The following NEK9 variants were observed in gnomAD, a reference collection of about 807,000 sequenced individuals.
NEK9 encodes the protein serine/threonine-protein kinase Nek9.
A neutral mutation model predicts 123.4 loss-of-function variants in NEK9; 75 were observed. That is an observed-to-expected ratio of 0.61 (90% confidence interval 0.50 to 0.74). The LOEUF is 0.74. NEK9 is among the 30% of genes least tolerant of loss of function. The probability of loss-of-function intolerance (pLI) is 0.00; values close to 1 mark genes in which losing one functional copy is unlikely to be tolerated. For missense variants in NEK9, 952 were observed against 1,214.4 expected (o/e 0.78, Z 3.21); for synonymous variants, 438 against 458.7 (o/e 0.95, Z 0.58).
At chr14:75,102,334 G>GT (rs544667418) in intron 14 of NEK9, among the ~76,000 whole-genome samples, 41 of 151,874 alleles carry the variant, frequency 2.7e-4, no homozygotes, top group African/African-American at 9.2e-4. Context: ...TCTGAATATT[G>GT]TTTTTTTTGT....
At position 75,083,041 on chromosome 14, in the gene NEK9, G is replaced by T. The variant is rs1003095823; in HGVS notation, c.*1523C>A. On this transcript the variant is annotated 3_prime_UTR_variant, in exon 22 of 22. Coordinates refer to ENST00000238616, the MANE Select transcript of NEK9 (RefSeq NM_033116.6). ...TCCCGAGCAATGGGGTTCTCCCCAA[G>T]CATCAGCCTTTATGCCACCAGTTTT... is the stretch of plus-strand genomic sequence containing the variant. 2 of 398,506 alleles carry T rather than the reference G, an allele frequency of 5.0e-6. No homozygotes were observed. Among genetic ancestry groups the T allele is most frequent in the East Asian group, 7.1e-5 (2 of 28,094 alleles). 24.7% of individuals were successfully genotyped at this position (398,506 alleles called of 1,614,324 possible). A position where few individuals can be genotyped will look rare whatever the true frequency, so the allele number is the denominator to read the frequency against.
At position 75,079,958 on chromosome 14, in the gene NEK9, T is replaced by A. The variant is rs1396128392; in HGVS notation, c.*4606A>T. ...AAGGAAGCAGTTGTTTGCTCTCATTTTGCTAAAGAAATAAAACAATAGTCA... is the reference window on the plus strand; with the variant it reads ...AAGGAAGCAGTTGTTTGCTCTCATTATGCTAAAGAAATAAAACAATAGTCA... On this transcript the variant is annotated 3_prime_UTR_variant, in exon 22 of 22. Coordinates refer to ENST00000238616, the MANE Select transcript of NEK9 (RefSeq NM_033116.6). 2.0e-5 allele frequency: 3 copies of A among 152,256 alleles called. No individual in the cohort carries two copies. The highest frequency in any genetic ancestry group is 4.4e-5 in the Non-Finnish European group (3 of 68,048). 9.4% of individuals were successfully genotyped at this position (152,256 alleles called of 1,614,324 possible).
At chr14:75,106,462 A>C in intron 12 of NEK9, 40 bp downstream of exon 12, 5 of 1,602,556 alleles carry the variant, frequency 3.1e-6, no homozygotes, top group Non-Finnish European at 4.3e-6. Context: ...GTCAGGTTGT[A>C]TACCTGTGAA....
chr14:75,117,123 G>A, intron 6 of NEK9, 72 bp downstream of exon 6: 1 of 1,502,252 alleles, frequency 6.7e-7, no homozygotes, highest in Non-Finnish European at 9.0e-7. Flanking sequence ...TGGGAATAGA[G>A]TTGATCTGCT....
In NEK9 at chr14:75,124,188, C is replaced by T; in HGVS notation, c.255G>A (p.Leu85=). ...GACGTTCCTTCTCAGACAGCCGGGTCAAATCGACTTCCTTCCACACAACCA... is the reference window on the plus strand; with the variant it reads ...GACGTTCCTTCTCAGACAGCCGGGTTAAATCGACTTCCTTCCACACAACCA... ...DSLVVWKEVD[L]TRLSEKERRD... Residue 85 remains leucine (L), a synonymous_variant, in exon 2 of 22, where the codon TTG becomes TTA. Coordinates refer to ENST00000238616, the MANE Select transcript of NEK9 (RefSeq NM_033116.6). 1 of 1,614,006 alleles carries T rather than the reference C, an allele frequency of 6.2e-7. No individual in the cohort carries two copies. The highest frequency in any genetic ancestry group is 8.5e-7 in the Non-Finnish European group (1 of 1,179,928).
intron 15 of NEK9, 135 bp downstream of exon 15, chr14:75,101,522 C>A: frequency 1.8e-6 from 1 of 563,852 alleles, no homozygotes; most frequent in Non-Finnish European, 3.1e-6. Context: ...AAATATGTAC[C>A]TGAATACATT....
At chr14:75,108,596 T>G (rs1201540605) in intron 10 of NEK9, among the ~76,000 whole-genome samples, 1 of 151,462 alleles carries the variant, frequency 6.6e-6, no homozygotes, top group Non-Finnish European at 1.5e-5. Context: ...GCTCTGTCAC[T>G]CAGGCTGCAG....
rs567806422 is a variant in NEK9 at position 75,096,149 on chromosome 14, G to A, written c.2174-718C>T. ...AATCCAAAAATTAGCCAGGTGTGAT[G>A]GTACACTCCTGTAGTCCCAGCTACT... On this transcript the variant is annotated intron_variant, in intron 17 of 21. Transcript: ENST00000238616. Among the ~76,000 whole-genome samples the A allele has an allele frequency of 8.5e-5, 13 of 152,120 alleles. No individual in the cohort carries two copies. The South Asian group carries it at 2.7e-3, about 32-fold the overall frequency.
chr14:75,087,836 T>C (rs1894077662), intron 20 of NEK9, among the ~76,000 whole-genome samples: 1 of 152,256 alleles, frequency 6.6e-6, no homozygotes, highest in South Asian at 2.1e-4. Flanking sequence ...AGGCCAATTC[T>C]GGCCCACTGC....
intron 19 of NEK9, 71 bp downstream of exon 19, chr14:75,091,193 AGAGACC>A: frequency 8.0e-7 from 1 of 1,249,458 alleles, no homozygotes; most frequent in Non-Finnish European, 1.1e-6. Flanking sequence ...TGGAAAACTG[AGAGACC>A]CTGACAGCTC....
chr14:75,105,222 C>T (rs915720426), intron 13 of NEK9, among the ~76,000 whole-genome samples: 2 of 151,790 alleles, frequency 1.3e-5, no homozygotes, highest in African/African-American at 4.8e-5. Context: ...GCTGGGAATC[C>T]CATTGAGGAT....
chr14:75,108,126 T>C (rs1031950819), intron 10 of NEK9, among the ~76,000 whole-genome samples: 38 of 135,880 alleles, frequency 2.8e-4, no homozygotes, highest in African/African-American at 1.0e-3. Context: ...ACTTTTCAAC[T>C]TTTTTTTTTT....
At chr14:75,095,327 C>T in intron 18 of NEK9, 45 bp downstream of exon 18, 2 of 1,430,614 alleles carry the variant, frequency 1.4e-6, no homozygotes, top group Non-Finnish European at 2.0e-6. Flanking sequence ...AACCAAAAGA[C>T]CCACACTTCA....
At chr14:75,100,128 CAAAAAAAAAAAAAAAAAAAAAAA>C (rs71119346) in intron 16 of NEK9, among the ~76,000 whole-genome samples, 4 of 15,604 alleles carry the variant, frequency 2.6e-4, no homozygotes, top group East Asian at 3.3e-3. Flanking sequence ...GACTCCATCT[CAAAAAAAAAAAAAAAAAAAAAAA>C]AAAAAAAAAA....
intron 17 of NEK9, among the ~76,000 whole-genome samples, chr14:75,096,323 A>G (rs1345422740): frequency 1.4e-5 from 2 of 146,868 alleles, no homozygotes; most frequent in African/African-American, 5.0e-5. Context: ...ATTCTAATGT[A>G]TGTGCTGCTA....
At chr14:75,108,188 G>A (rs951060276) in intron 10 of NEK9, among the ~76,000 whole-genome samples, 2 of 150,570 alleles carry the variant, frequency 1.3e-5, no homozygotes, top group African/African-American at 4.9e-5. Flanking sequence ...GCAGTGGCTC[G>A]ATCTCAGCTC....
At position 75,091,462 on chromosome 14, in the gene NEK9, GCTAGAGCT is replaced by G; in HGVS notation, c.2242_2249del (p.Ser748ProfsTer11). On this transcript the variant is annotated frameshift_variant, in exon 19 of 22. Transcript: ENST00000238616. LOFTEE classifies it high-confidence loss of function. ...CGCCGCCCCCGCCGCCTCCTCCCGGGCTAGAGCTCTGAAACACTGACAGATATACAGCA... is the reference window on the plus strand; with the variant it reads ...CGCCGCCCCCGCCGCCTCCTCCCGGGCTGAAACACTGACAGATATACAGCA... The G allele has an allele frequency of 6.3e-7, 1 of 1,593,492 alleles. No homozygotes were observed. Among genetic ancestry groups the G allele is most frequent in the Non-Finnish European group, 8.5e-7 (1 of 1,171,186 alleles).
intron 21 of NEK9, 163 bp from the exon 22 acceptor site, chr14:75,084,849 C>T: frequency 1.3e-6 from 1 of 762,974 alleles, no homozygotes; most frequent in Non-Finnish European, 2.1e-6. Context: ...ATTTTAGATA[C>T]AGTCCATACC....
chr14:75,121,223 C>T, intron 2 of NEK9, 49 bp from the exon 3 acceptor site: 19 of 1,469,754 alleles, frequency 1.3e-5, no homozygotes, highest in Non-Finnish European at 1.8e-5. Context: ...CAGATCAAAG[C>T]TTGGCTCCTG....
Sources: allele counts gnomAD v4.1 joint callset (sites outside exome capture counted in the v4.1 genomes callset), GRCh38; gene constraint gnomAD v4.1.1; transcripts MANE v1.5; gene names NCBI Gene and HGNC (gene_info 2026-07-23, HGNC 2026-07-21).